USH2A: variants seen among roughly 807,000 people sequenced by gnomAD.
The protein encoded by USH2A is usherin, also known as Usher syndrome 2A (autosomal recessive, mild).
USH2A carries 443 observed loss-of-function variants against 538.9 expected under a neutral mutation model. The observed-to-expected ratio is 0.82, with a 90% confidence interval of 0.76 to 0.89. The LOEUF (loss-of-function observed/expected upper bound fraction) is 0.89. Among genes scored for constraint, USH2A ranks in the 40% least tolerant of loss-of-function variants. USH2A has a pLI of 0.00. For synonymous variants in USH2A, 2,413 were observed against 2,273.5 expected (o/e 1.06, Z -1.75); for missense variants, 6,633 against 6,324.8 (o/e 1.05, Z -1.65).
intron 68 of USH2A, 85 bp from the exon 69 acceptor site, chr1:215,639,323 T>C (rs1253759824): frequency 1.6e-6 from 2 of 1,287,556 alleles, no homozygotes; most frequent in South Asian, 1.2e-5. Context: ...CAATGCATCA[T>C]AGCATGAAAA....
intron 4 of USH2A, among the ~76,000 whole-genome samples, chr1:216,346,637 C>T (rs1167771750): frequency 6.6e-6 from 1 of 151,728 alleles, no homozygotes; most frequent in Non-Finnish European, 1.5e-5. Flanking sequence ...AGGTAAGACT[C>T]CCATGGGAGA....
chr1:216,390,396 C>T (rs1213771618), intron 3 of USH2A, among the ~76,000 whole-genome samples: 2 of 152,074 alleles, frequency 1.3e-5, no homozygotes, highest in Non-Finnish European at 2.9e-5. Context: ...GAAAAGTTGA[C>T]AATACAATAC....
Position 215,622,924 on chromosome 1 carries a change from A to C in USH2A, c.*2857T>G, listed in dbSNP as rs1655838149. The stretch of plus-strand genomic sequence containing the variant: ...CATTCAAATATTTATTAAGCAAACC[A>C]TCTTTAGATTAGTTTACATGATATT... On this transcript the variant is annotated 3_prime_UTR_variant, in exon 72 of 72. Transcript: ENST00000307340. 2 of 152,140 alleles carry C rather than the reference A, an allele frequency of 1.3e-5. No homozygotes were observed. Among genetic ancestry groups the C allele is most frequent in the African/African-American group, 2.4e-5 (1 of 41,456 alleles). The allele number at this position is 152,140 out of a possible 1,614,324, so 9.4% of individuals were successfully genotyped here. A position where few individuals can be genotyped will look rare whatever the true frequency, so the allele number is the denominator to read the frequency against.
chr1:215,832,392 T>A (rs1025525072), intron 47 of USH2A, among the ~76,000 whole-genome samples: 3 of 151,872 alleles, frequency 2.0e-5, no homozygotes, highest in African/African-American at 4.8e-5. Context: ...TATAAGATAA[T>A]AGTATATTGC....
In USH2A at chr1:215,817,128, A is replaced by G. The variant is rs139649540; in HGVS notation, c.9439T>C (p.Trp3147Arg). Residue 3147 changes from tryptophan (W) to arginine (R), a missense_variant, in exon 48 of 72, where the codon TGG (tryptophan) becomes CGG (arginine). By Grantham distance (101) the Trp-to-Arg change is moderately radical. Coordinates refer to ENST00000307340, the MANE Select transcript of USH2A (RefSeq NM_206933.4). ...NGIILGYDLLWKTWYPCAKTQ... is the reference protein window; with the variant it reads ...NGIILGYDLLRKTWYPCAKTQ... ...TTAGCGCATGGATACCATGTTTTCC[A>G]TAGGAGATCATATCCAAGAATGATG... 1.9e-5 allele frequency: 31 copies of G among 1,612,878 alleles called. No homozygotes were observed. The African/African-American group carries it at 2.9e-4, about 15-fold the overall frequency.
At chr1:216,168,825 C>A (rs1429917744) in intron 21 of USH2A, among the ~76,000 whole-genome samples, 1 of 152,058 alleles carries the variant, frequency 6.6e-6, no homozygotes, top group Non-Finnish European at 1.5e-5. Context: ...ATCTTGTGGT[C>A]CTCACCCAGG....
intron 47 of USH2A, among the ~76,000 whole-genome samples, chr1:215,835,164 CAAAA>C (rs34758891): frequency 1.1e-4 from 6 of 56,120 alleles, no homozygotes; most frequent in African/African-American, 1.5e-4. Context: ...AGTGATGCAC[CAAAA>C]AAAAAAAAAA....
At chr1:215,887,328 C>T (rs4403605) in intron 41 of USH2A, among the ~76,000 whole-genome samples, 6,303 of 152,016 alleles carry the variant, frequency 0.041, 141 homozygotes, top group Middle Eastern at 0.071. Flanking sequence ...TTTTACAAAA[C>T]TCCCCCAAGA....
intron 58 of USH2A, among the ~76,000 whole-genome samples, chr1:215,744,528 A>G (rs1166816204): frequency 6.6e-6 from 1 of 152,218 alleles, no homozygotes; most frequent in African/African-American, 2.4e-5. Context: ...TTACTTCTGT[A>G]GTACCCACAT....
intron 4 of USH2A, among the ~76,000 whole-genome samples, chr1:216,328,658 G>A (rs2037784716): frequency 1.3e-5 from 2 of 151,904 alleles, no homozygotes; most frequent in Non-Finnish European, 2.9e-5. Flanking sequence ...TGGTTGCTTG[G>A]AGGAAACTGG....
chr1:216,035,289 T>C (rs1044788360), intron 32 of USH2A, among the ~76,000 whole-genome samples: 2 of 152,138 alleles, frequency 1.3e-5, no homozygotes, highest in African/African-American at 4.8e-5. Context: ...ATATGACTAG[T>C]GTCCTTATAA....
intron 3 of USH2A, among the ~76,000 whole-genome samples, chr1:216,376,158 C>T (rs902051123): frequency 3.3e-5 from 5 of 152,032 alleles, no homozygotes; most frequent in African/African-American, 1.2e-4. Flanking sequence ...GGAAAAATAG[C>T]ACTAATATAT....
At chr1:215,762,481 C>T (rs1008719657) in intron 56 of USH2A, among the ~76,000 whole-genome samples, 3 of 152,130 alleles carry the variant, frequency 2.0e-5, no homozygotes, top group East Asian at 1.9e-4. Flanking sequence ...TTATTTATAC[C>T]GGCTGGCAAA....
At position 216,083,504 on chromosome 1, in the gene USH2A, A is replaced by C; in HGVS notation, c.5250T>G (p.Asn1750Lys). 6.2e-7 allele frequency: 1 copy of C among 1,612,636 alleles called. No homozygotes were observed. Among genetic ancestry groups the C allele is most frequent in the Non-Finnish European group, 8.5e-7 (1 of 1,179,220 alleles). Residue 1750 changes from asparagine to lysine, a missense_variant, in exon 26 of 72, where the codon AAT becomes AAG. Physicochemically the swap from Asn to Lys is moderately conservative, Grantham distance 94 (BLOSUM62 0). Coordinates refer to ENST00000307340, the MANE Select transcript of USH2A (RefSeq NM_206933.4). ...ISFKFRTDQL[N>K]GLLLFVYNKD... ...TGTTATAAACGAAAAGAAGCAATCC[A>C]TTTAATTGGTCAGTTCTGAACTTAA...
In USH2A at chr1:215,674,874, G is replaced by A; in HGVS notation, c.13037C>T (p.Pro4346Leu). ...CTSGGCSTSK[P>L]TSITTLEAAP... is the part of the protein sequence containing the mutation. ...AGCCTCCAGAGTTGTGATGCTGGTG[G>A]GTTTGCTGGTGGAGCATCCTCCACT... The change falls in exon 63 of 72, where the codon CCC becomes CTC. Residue 4346 changes from proline to leucine, a missense_variant. Physicochemically the swap from Pro to Leu is moderately conservative, Grantham distance 98. Transcript: ENST00000307340. 1.2e-6 allele frequency: 2 copies of A among 1,614,174 alleles called. No homozygotes were observed. Among genetic ancestry groups the A allele is most frequent in the Non-Finnish European group, 1.7e-6 (2 of 1,180,040 alleles).
rs1418438946 is a variant in USH2A at position 216,089,028 on chromosome 1, C to A, written c.4870G>T (p.Asp1624Tyr). The A allele has an allele frequency of 1.2e-6, 2 of 1,613,338 alleles. No individual in the cohort carries two copies. The highest frequency in any genetic ancestry group is 2.7e-5 in the African/African-American group (2 of 74,890). The change falls in exon 23 of 72, where the codon GAT becomes TAT. Residue 1624 changes from aspartate to tyrosine, a missense_variant. By Grantham distance (160) the Asp-to-Tyr change is radical. Coordinates refer to ENST00000307340, the MANE Select transcript of USH2A (RefSeq NM_206933.4). ...RHQAFGQITL[D>Y]GIYTGSSAIL... Reference sequence around the variant, plus strand: ...AAGTACTTACCTGTATATATCCCATCCAGAGTGATTTGGCCAAAAGCCTGA... The same window carrying A: ...AAGTACTTACCTGTATATATCCCATACAGAGTGATTTGGCCAAAAGCCTGA...
intron 3 of USH2A, among the ~76,000 whole-genome samples, chr1:216,400,514 G>A (rs1016424581): frequency 6.6e-6 from 1 of 151,936 alleles, no homozygotes; most frequent in Non-Finnish European, 1.5e-5. Context: ...CAGTGAAAAT[G>A]TATTCAAGAA....
intron 41 of USH2A, among the ~76,000 whole-genome samples, chr1:215,885,560 C>A (rs1047049318): frequency 1.3e-5 from 2 of 152,208 alleles, no homozygotes; most frequent in African/African-American, 4.8e-5. Context: ...TGACACAACT[C>A]TTTGACATTA....
intron 49 of USH2A, among the ~76,000 whole-genome samples, chr1:215,810,393 T>C (rs1558108686): frequency 1.3e-5 from 2 of 152,172 alleles, no homozygotes; most frequent in Admixed American, 6.6e-5. Context: ...TGACTACTTA[T>C]GTTAGCATTG....
Sources: gnomAD v4.1 joint callset for allele counts (sites outside exome capture counted in the v4.1 genomes callset) on GRCh38, gnomAD v4.1.1 for gene constraint, MANE v1.5 for transcripts, NCBI Gene and HGNC (gene_info 2026-07-23, HGNC 2026-07-21) for gene names.